Variants in LINGO2 observed in about 807,000 individuals in gnomAD.
The protein encoded by LINGO2 is leucine rich repeat and Ig domain containing 2.
A neutral mutation model predicts 30.6 loss-of-function variants in LINGO2; 14 were observed. The ratio of observed to expected loss-of-function variants is 0.46; its 90% CI spans 0.30 to 0.72. The LOEUF (loss-of-function observed/expected upper bound fraction) is 0.72, where lower values mean the gene tolerates loss of function less well. Ranked by LOEUF, LINGO2 falls within the 30% of genes least tolerant of loss-of-function variation. LINGO2 has a pLI of 0.07. For missense variants in LINGO2, 729 were observed against 751.7 expected, an observed-to-expected ratio of 0.97 and a Z score of 0.35; for synonymous variants, 317 against 288.5, an observed-to-expected ratio of 1.10 and a Z score of -1.00.
intron 1 of LINGO2, among the ~76,000 whole-genome samples, chr9:28,604,082 G>T (rs1372554408): frequency 6.6e-6 from 1 of 151,824 alleles, no homozygotes; most frequent in Non-Finnish European, 1.5e-5. Flanking sequence ...GCCTTTTACA[G>T]TATGACTTTC....
chr9:28,940,251 C>T, the LINGO2 span, among the ~76,000 whole-genome samples: 519 of 152,154 alleles, frequency 3.4e-3, 2 homozygotes, highest in Non-Finnish European at 5.9e-3. Flanking sequence ...GTGAGTTCTA[C>T]CCAGTGGAAA....
chr9:29,090,332 TCTC>T, the LINGO2 span, among the ~76,000 whole-genome samples: 1 of 152,030 alleles, frequency 6.6e-6, no homozygotes. Flanking sequence ...ATGTTCCTCT[TCTC>T]TGAAATATTC....
At chr9:28,977,278 C>T in the LINGO2 span, among the ~76,000 whole-genome samples, 12 of 152,028 alleles carry the variant, frequency 7.9e-5, no homozygotes, top group Admixed American at 5.2e-4. Context: ...AAATGGAGAA[C>T]GGCTTCTGTC....
At chr9:28,203,536 T>G (rs374281410) in intron 4 of LINGO2, among the ~76,000 whole-genome samples, 12 of 152,280 alleles carry the variant, frequency 7.9e-5, no homozygotes, top group African/African-American at 2.9e-4. Flanking sequence ...AATTAGTCAT[T>G]GCTGAATTAC....
chr9:28,556,149 A>T (rs918148584), intron 1 of LINGO2, among the ~76,000 whole-genome samples: 5 of 152,048 alleles, frequency 3.3e-5, no homozygotes, highest in African/African-American at 2.4e-5. Flanking sequence ...TGGCCAGGGC[A>T]ATTAGGCAGG....
At chr9:28,606,841 T>C (rs1450888413) in intron 1 of LINGO2, among the ~76,000 whole-genome samples, 2 of 152,074 alleles carry the variant, frequency 1.3e-5, no homozygotes, top group Non-Finnish European at 2.9e-5. Flanking sequence ...GAGGATTATA[T>C]AAATGTTCAA....
chr9:28,063,911 A>G (rs1587797449), intron 4 of LINGO2, among the ~76,000 whole-genome samples: 1 of 152,124 alleles, frequency 6.6e-6, no homozygotes, highest in Non-Finnish European at 1.5e-5. Flanking sequence ...ACATGCAGAA[A>G]GGCTTAAGTA....
Position 28,474,205 on chromosome 9 carries a change from G to A in LINGO2, c.-279+1735C>T, listed in dbSNP as rs531093659. On this transcript the variant is annotated intron_variant, in intron 2 of 5. Coordinates refer to ENST00000379992, the Ensembl canonical transcript of LINGO2. ...TGCTGCAATTTTCTTTGGTAGTTTT[G>A]AAATGAACAAGTAACATTTATTTTC... 2.8e-3 allele frequency among the ~76,000 whole-genome samples: 433 copies of A among 152,184 alleles called. 1 individual carries two copies. Among genetic ancestry groups the A allele is most frequent in the African/African-American group, 9.7e-3 (404 of 41,540 alleles).
intron 3 of LINGO2, among the ~76,000 whole-genome samples, chr9:28,332,341 C>T (rs1825450392): frequency 6.6e-6 from 1 of 152,096 alleles, no homozygotes; most frequent in Non-Finnish European, 1.5e-5. Flanking sequence ...ACCTAATAAT[C>T]CAAGGCGCTA....
intron 5 of LINGO2, among the ~76,000 whole-genome samples, chr9:28,010,145 G>C (rs141344193): frequency 2.0e-4 from 30 of 152,312 alleles, no homozygotes; most frequent in African/African-American, 7.0e-4. Context: ...CGTATTACAT[G>C]ATTCCAGTTA....
chr9:28,031,697 G>A (rs371627933), intron 4 of LINGO2, among the ~76,000 whole-genome samples: 1 of 152,134 alleles, frequency 6.6e-6, no homozygotes, highest in Non-Finnish European at 1.5e-5. Flanking sequence ...CGGCTAAGCC[G>A]ATTATTGTTT....
chr9:28,199,592 C>T (rs1409491440), intron 4 of LINGO2, among the ~76,000 whole-genome samples: 2 of 152,066 alleles, frequency 1.3e-5, no homozygotes, highest in African/African-American at 4.8e-5. Flanking sequence ...CCTGCCTCGG[C>T]CCCCCAAAGT....
chr9:28,451,228 A>T (rs1051249172), intron 2 of LINGO2, among the ~76,000 whole-genome samples: 2 of 151,836 alleles, frequency 1.3e-5, no homozygotes, highest in African/African-American at 4.8e-5. Context: ...AATGTTCTTT[A>T]TGAACATTAC....
chr9:28,994,879 A>T, the LINGO2 span, among the ~76,000 whole-genome samples: 12 of 152,266 alleles, frequency 7.9e-5, 1 homozygote, highest in African/African-American at 2.2e-4. Context: ...CAAGATGGAT[A>T]AAAGACTTAA....
intron 4 of LINGO2, among the ~76,000 whole-genome samples, chr9:28,150,064 C>T (rs1827952985): frequency 6.6e-6 from 1 of 151,880 alleles, no homozygotes; most frequent in African/African-American, 2.4e-5. Context: ...AGCGCCTCTG[C>T]CTGGCCACCA....
intron 2 of LINGO2, among the ~76,000 whole-genome samples, chr9:28,446,288 C>T (rs998190523): frequency 8.5e-5 from 13 of 152,256 alleles, no homozygotes; most frequent in African/African-American, 3.1e-4. Flanking sequence ...TTTTGAATTG[C>T]ACATGTCTCT....
the LINGO2 span, among the ~76,000 whole-genome samples, chr9:29,188,939 G>A: frequency 6.7e-6 from 1 of 148,576 alleles, no homozygotes; most frequent in Non-Finnish European, 1.5e-5. Flanking sequence ...TCCCGGACGG[G>A]GTGGCTGGCC....
At chr9:29,086,509 A>G in the LINGO2 span, among the ~76,000 whole-genome samples, 1 of 152,114 alleles carries the variant, frequency 6.6e-6, no homozygotes, top group Non-Finnish European at 1.5e-5. Flanking sequence ...TCTGACCCTC[A>G]ATTCCACACT....
chr9:28,361,717 G>A (rs902762012), intron 3 of LINGO2, among the ~76,000 whole-genome samples: 5 of 151,700 alleles, frequency 3.3e-5, no homozygotes, highest in Non-Finnish European at 7.4e-5. Context: ...AAACCTAGAT[G>A]TTCATTTAAT....
Sources: gnomAD v4.1 joint callset for allele counts (sites outside exome capture counted in the v4.1 genomes callset) on GRCh38, gnomAD v4.1.1 for gene constraint, MANE v1.5 for transcripts, NCBI Gene and HGNC (gene_info 2026-07-23, HGNC 2026-07-21) for gene names.